The following EPN2 variants were observed in gnomAD, a reference collection of about 807,000 sequenced individuals.
EPN2 encodes the protein epsin-2.
EPN2 carries 34 observed loss-of-function variants against 61.7 expected under a neutral mutation model. That is an observed-to-expected ratio of 0.55 (90% CI 0.42 to 0.73). EPN2 has a LOEUF of 0.73. Among genes scored for constraint, EPN2 ranks in the 30% least tolerant of loss-of-function variants. The pLI is 0.00. For synonymous variants in EPN2, 349 were observed against 353.6 expected (o/e 0.99, Z 0.15); for missense variants, 714 against 839.2 (o/e 0.85, Z 1.84).
chr17:19,319,255 C>A lies in EPN2; in HGVS notation c.1147+5976C>A, dbSNP rs187249949. Among the ~76,000 whole-genome samples the A allele has an allele frequency of 2.5e-3, 382 of 152,118 alleles. 3 individuals are homozygous for A. Among genetic ancestry groups the A allele is most frequent in the African/African-American group, 9.0e-3 (375 of 41,460 alleles). On this transcript the variant is annotated intron_variant, in intron 7 of 10. Coordinates refer to ENST00000314728, the MANE Select transcript of EPN2 (RefSeq NM_014964.5). ...TTGTGTTAACTCTTAAAGATATAAACCTATTAGTTTAAACTGTGTTTAGAA... is the reference window on the plus strand; with the variant it reads ...TTGTGTTAACTCTTAAAGATATAAAACTATTAGTTTAAACTGTGTTTAGAA...
chr17:19,297,983 C>G (rs891200789), intron 4 of EPN2, among the ~76,000 whole-genome samples: 2 of 152,140 alleles, frequency 1.3e-5, no homozygotes, highest in African/African-American at 4.8e-5. Context: ...TCAAGCGATT[C>G]TTTTGCCCCA....
At chr17:19,297,378 T>C (rs1343750671) in intron 4 of EPN2, 3 of 152,290 alleles carry the variant, frequency 2.0e-5, no homozygotes, top group Non-Finnish European at 4.4e-5. Context: ...ATTATGCAGA[T>C]AGTATAACAG....
chr17:19,285,511 G>T lies in EPN2; in HGVS notation c.596-109G>T. ...CTTTTCACAGCTTCCACCGCAGTGG[G>T]CTGCGGGGTTGACCCCGAGTGGCCT... On this transcript the variant is annotated intron_variant, in intron 3 of 10. Coordinates refer to ENST00000314728, the MANE Select transcript of EPN2 (RefSeq NM_014964.5). The surrounding 1 kb of genome is among the most constrained non-coding windows in gnomAD (Gnocchi z 4.5). 1 of 1,347,504 alleles carries T rather than the reference G, an allele frequency of 7.4e-7. No individual in the cohort carries two copies. The highest frequency in any genetic ancestry group is 9.6e-7 in the Non-Finnish European group (1 of 1,045,860). 83.5% of individuals were successfully genotyped at this position (1,347,504 alleles called of 1,614,324 possible). A position where few individuals can be genotyped will look rare whatever the true frequency, so the allele number is the denominator to read the frequency against.
At chr17:19,289,229 C>T (rs1206104162) in intron 4 of EPN2, among the ~76,000 whole-genome samples, 1 of 151,730 alleles carries the variant, frequency 6.6e-6, no homozygotes, top group Non-Finnish European at 1.5e-5. Context: ...GGACTACAGG[C>T]GCCCGCCACC....
intron 1 of EPN2, among the ~76,000 whole-genome samples, chr17:19,241,343 G>C (rs1262997491): frequency 1.3e-5 from 2 of 152,158 alleles, no homozygotes; most frequent in Non-Finnish European, 2.9e-5. Flanking sequence ...CCAGCACTTT[G>C]GGAGGCCAAA....
At chr17:19,273,026 C>T (rs970766740) in intron 1 of EPN2, 1 of 152,170 alleles carries the variant, frequency 6.6e-6, no homozygotes, top group Non-Finnish European at 1.5e-5. Flanking sequence ...AAATTAAATT[C>T]CTTGTGTATG....
intron 1 of EPN2, among the ~76,000 whole-genome samples, chr17:19,256,812 C>T (rs921579057): frequency 2.0e-5 from 3 of 152,150 alleles, no homozygotes; most frequent in South Asian, 2.1e-4. Context: ...ACCCAAGTCC[C>T]ACACTTGGAG....
At chr17:19,245,494 C>T (rs186795738) in intron 1 of EPN2, among the ~76,000 whole-genome samples, 1 of 140,310 alleles carries the variant, frequency 7.1e-6, no homozygotes, top group Non-Finnish European at 1.5e-5. Flanking sequence ...CTCACTGCAG[C>T]GGCGGGATCT....
At chr17:19,327,648 G>A (rs182042651) in intron 7 of EPN2, among the ~76,000 whole-genome samples, 20 of 152,246 alleles carry the variant, frequency 1.3e-4, no homozygotes, top group Non-Finnish European at 1.8e-4. Flanking sequence ...CTCCAGTCTG[G>A]GTGACAGAGT....
chr17:19,246,691 A>T (rs2044953745), intron 1 of EPN2, among the ~76,000 whole-genome samples: 1 of 142,470 alleles, frequency 7.0e-6, no homozygotes, highest in Non-Finnish European at 1.5e-5. Context: ...CCAAAAAAAT[A>T]TCCTAGCAAT....
At chr17:19,311,650 T>TA (rs1228167217) in intron 5 of EPN2, among the ~76,000 whole-genome samples, 3 of 152,358 alleles carry the variant, frequency 2.0e-5, no homozygotes, top group African/African-American at 4.8e-5. Context: ...GGTGGAATGA[T>TA]ACGTGATTTT....
intron 1 of EPN2, chr17:19,273,419 T>A (rs2045275203): frequency 6.6e-6 from 1 of 152,246 alleles, no homozygotes; most frequent in Non-Finnish European, 1.5e-5. Context: ...CCTGCTCTAC[T>A]GTCTAGAAGT....
intron 7 of EPN2, among the ~76,000 whole-genome samples, chr17:19,327,418 T>C (rs1185531576): frequency 1.3e-5 from 2 of 152,160 alleles, no homozygotes; most frequent in Non-Finnish European, 2.9e-5. Context: ...ACACCTGTAT[T>C]CCTAGCACTT....
chr17:19,328,116 G>T (rs1906978331), intron 7 of EPN2, among the ~76,000 whole-genome samples: 1 of 152,050 alleles, frequency 6.6e-6, no homozygotes, highest in African/African-American at 2.4e-5. Context: ...AATTGATTTT[G>T]TCACTCCCTG....
At chr17:19,328,661 G>C in intron 7 of EPN2, 50 bp from the exon 8 acceptor site, 9 of 1,528,384 alleles carry the variant, frequency 5.9e-6, no homozygotes, top group Non-Finnish European at 8.0e-6. Context: ...CACCCCAGCT[G>C]CCCAGACCCT....
At chr17:19,241,453 G>A (rs527753842) in intron 1 of EPN2, among the ~76,000 whole-genome samples, 1 of 151,956 alleles carries the variant, frequency 6.6e-6, no homozygotes, top group African/African-American at 2.4e-5. Context: ...GGGCGTGGTG[G>A]TGCACACCTG....
intron 3 of EPN2, among the ~76,000 whole-genome samples, chr17:19,284,913 G>A (rs957776963): frequency 6.6e-6 from 1 of 152,176 alleles, no homozygotes; most frequent in Admixed American, 6.5e-5. Flanking sequence ...TTCTTAGTTT[G>A]AACTGTTTTG....
At chr17:19,311,192 C>G (rs1315597342) in intron 5 of EPN2, among the ~76,000 whole-genome samples, 1 of 152,196 alleles carries the variant, frequency 6.6e-6, no homozygotes, top group Non-Finnish European at 1.5e-5. Context: ...GTTGTGGCCT[C>G]TCTGTCCCTG....
At chr17:19,265,765 C>T (rs2045191059) in intron 1 of EPN2, among the ~76,000 whole-genome samples, 1 of 152,228 alleles carries the variant, frequency 6.6e-6, no homozygotes, top group Admixed American at 6.5e-5. Context: ...CATTCTCCTC[C>T]AGGCCTGTCC....
Sources: allele counts gnomAD v4.1 joint callset (sites outside exome capture counted in the v4.1 genomes callset), GRCh38; gene constraint gnomAD v4.1.1; non-coding constraint Gnocchi (gnomAD v3.1); transcripts MANE v1.5; gene names NCBI Gene and HGNC (gene_info 2026-07-23, HGNC 2026-07-21).